The following ADCY8 variants were observed in gnomAD, a reference collection of about 807,000 sequenced individuals.
The protein encoded by ADCY8 is adenylate cyclase 8, also known as adenylate cyclase type 8.
A neutral mutation model predicts 119.7 loss-of-function variants in ADCY8; 51 were observed. The ratio of observed to expected loss-of-function variants is 0.43; its 90% CI spans 0.34 to 0.54. ADCY8 has a LOEUF of 0.54. ADCY8 is among the 20% of genes least tolerant of loss of function. The pLI, the probability that ADCY8 is intolerant of heterozygous loss-of-function variation, is 0.03. For synonymous variants in ADCY8, 665 were observed against 651.0 expected (o/e 1.02, Z -0.33); for missense variants, 1,383 against 1,598.8 (o/e 0.87, Z 2.30).
intron 5 of ADCY8, among the ~76,000 whole-genome samples, chr8:130,931,670 T>A (rs1301300580): frequency 3.3e-5 from 5 of 152,166 alleles, no homozygotes; most frequent in Non-Finnish European, 7.4e-5. Context: ...TATTTTCAAA[T>A]AACCTGTGTT....
At position 131,025,984 on chromosome 8, in the gene ADCY8, C is replaced by G. The variant is rs374084179; in HGVS notation, c.960+13390G>C. ...AATAGCAGGATCCTGGATTCTTTTCCTCACCACAGCACCCCTACTGCCTGC... is the reference window on the plus strand; with the variant it reads ...AATAGCAGGATCCTGGATTCTTTTCGTCACCACAGCACCCCTACTGCCTGC... On this transcript the variant is annotated intron_variant, in intron 1 of 17. Transcript: ENST00000286355. Among the ~76,000 whole-genome samples the G allele has an allele frequency of 6.2e-4, 94 of 152,314 alleles. 1 individual carries two copies. The highest frequency in any genetic ancestry group is 2.1e-3 in the African/African-American group (88 of 41,564).
At chr8:130,910,140 T>C (rs1819936389) in intron 5 of ADCY8, among the ~76,000 whole-genome samples, 1 of 152,000 alleles carries the variant, frequency 6.6e-6, no homozygotes, top group Admixed American at 6.6e-5. Context: ...CGTCCACCTC[T>C]TCACTTTCAA....
intron 12 of ADCY8, among the ~76,000 whole-genome samples, chr8:130,832,547 G>A (rs764794686): frequency 2.3e-4 from 35 of 152,132 alleles, no homozygotes; most frequent in Non-Finnish European, 4.6e-4. Context: ...ATACAGCTGA[G>A]ATGGAAGGCT....
rs1024316288 is a variant in ADCY8 at position 130,948,562 on chromosome 8, C to G, written c.1241+3306G>C. Among the ~76,000 whole-genome samples, 3 of 151,048 alleles carry G rather than the reference C, an allele frequency of 2.0e-5. No homozygotes were observed. The South Asian group carries it at 6.3e-4, about 32-fold the overall frequency. On this transcript the variant is annotated intron_variant, in intron 3 of 17. Transcript: ENST00000286355. ...CATGGCGCCTTTAAGCATACCCTTT[C>G]CTGATGAAGGTAAACAGTGGTATGA...
intron 8 of ADCY8, among the ~76,000 whole-genome samples, chr8:130,879,523 AT>A (rs1818691106): frequency 6.6e-6 from 1 of 152,216 alleles, no homozygotes; most frequent in Non-Finnish European, 1.5e-5. Context: ...TGTAAGCACA[AT>A]TTTTGAGGGC....
At chr8:130,875,022 T>C (rs1464453762) in intron 8 of ADCY8, among the ~76,000 whole-genome samples, 1 of 152,190 alleles carries the variant, frequency 6.6e-6, no homozygotes, top group East Asian at 1.9e-4. Flanking sequence ...AATTCTATAT[T>C]ACACTGTTAT....
chr8:130,919,201 T>C (rs1820224629), intron 5 of ADCY8, among the ~76,000 whole-genome samples: 1 of 152,214 alleles, frequency 6.6e-6, no homozygotes, highest in Non-Finnish European at 1.5e-5. Context: ...ACCCTTTTGC[T>C]GTTTTTTAAC....
At chr8:130,980,537 A>G (rs1435971786) in intron 2 of ADCY8, among the ~76,000 whole-genome samples, 1 of 152,248 alleles carries the variant, frequency 6.6e-6, no homozygotes, top group Non-Finnish European at 1.5e-5. Flanking sequence ...TTAACTGCTC[A>G]TAATTATTAC....
chr8:130,929,381 C>T (rs1299654173), intron 5 of ADCY8, among the ~76,000 whole-genome samples: 1 of 152,036 alleles, frequency 6.6e-6, no homozygotes, highest in Admixed American at 6.6e-5. Context: ...CTTTAAGTTC[C>T]TTCATTGATC....
Position 130,886,982 on chromosome 8 carries a change from G to GTT in ADCY8, c.1912-2223_1912-2222dup, listed in dbSNP as rs35140717. Reference sequence around the variant, plus strand: ...ACCATTATGTAATAGAAGAAAGGGCGTTTTTTTTTTCCTTAACAGGAATGA... The same window carrying GTT: ...ACCATTATGTAATAGAAGAAAGGGCGTTTTTTTTTTTTCCTTAACAGGAATGA... On this transcript the variant is annotated intron_variant, in intron 7 of 17. Coordinates refer to ENST00000286355, the MANE Select transcript of ADCY8 (RefSeq NM_001115.3). 4.6e-4 allele frequency among the ~76,000 whole-genome samples: 68 copies of GTT among 149,218 alleles called. No individual in the cohort carries two copies. In the East Asian group the frequency reaches 5.1e-3, roughly 11 times the overall value.
chr8:130,955,386 C>T (rs1311491545), intron 2 of ADCY8, among the ~76,000 whole-genome samples: 2 of 151,946 alleles, frequency 1.3e-5, no homozygotes, highest in African/African-American at 2.4e-5. Flanking sequence ...TCTATCAGAC[C>T]CCAGAGCCAG....
intron 7 of ADCY8, among the ~76,000 whole-genome samples, chr8:130,889,879 G>C (rs1819122299): frequency 6.6e-6 from 1 of 152,004 alleles, no homozygotes; most frequent in South Asian, 2.1e-4. Flanking sequence ...GTATCCTACT[G>C]CTACTATAAA....
At chr8:131,035,405 G>C (rs561751969) in intron 1 of ADCY8, among the ~76,000 whole-genome samples, 1 of 152,238 alleles carries the variant, frequency 6.6e-6, no homozygotes, top group East Asian at 1.9e-4. Flanking sequence ...TCTCTTTGTT[G>C]GGTGGGAAGT....
intron 15 of ADCY8, among the ~76,000 whole-genome samples, chr8:130,797,757 C>G (rs989910460): frequency 6.6e-6 from 1 of 152,198 alleles, no homozygotes; most frequent in Admixed American, 6.5e-5. Context: ...CATAGTCACC[C>G]TGCCTCCCAC....
chr8:130,886,891 T>A (rs980937484), intron 7 of ADCY8, among the ~76,000 whole-genome samples: 1 of 152,116 alleles, frequency 6.6e-6, no homozygotes, highest in Admixed American at 6.6e-5. Flanking sequence ...AAAAAATAGT[T>A]TGGGGATTGA....
chr8:130,802,364 C>T (rs1452379583), intron 14 of ADCY8, among the ~76,000 whole-genome samples: 1 of 152,162 alleles, frequency 6.6e-6, no homozygotes, highest in East Asian at 1.9e-4. Flanking sequence ...AAAAATCGGG[C>T]TCTTCCCATT....
At chr8:130,856,228 C>T (rs1817727577) in intron 9 of ADCY8, among the ~76,000 whole-genome samples, 1 of 152,028 alleles carries the variant, frequency 6.6e-6, no homozygotes, top group South Asian at 2.1e-4. Flanking sequence ...CCTTTCCTAT[C>T]ACAATAGTCA....
At chr8:130,949,161 G>T (rs1289978570) in intron 3 of ADCY8, among the ~76,000 whole-genome samples, 2 of 152,072 alleles carry the variant, frequency 1.3e-5, no homozygotes, top group Non-Finnish European at 2.9e-5. Context: ...GGGCGGGGTT[G>T]GAGGGGTGGG....
At chr8:130,834,300 A>G (rs1014880619) in intron 12 of ADCY8, among the ~76,000 whole-genome samples, 1 of 152,224 alleles carries the variant, frequency 6.6e-6, no homozygotes, top group African/African-American at 2.4e-5. Flanking sequence ...GCCAACAAAT[A>G]AACAAAAAGA....
Sources: allele counts gnomAD v4.1 joint callset (sites outside exome capture counted in the v4.1 genomes callset), GRCh38; gene constraint gnomAD v4.1.1; transcripts MANE v1.5; gene names NCBI Gene and HGNC (gene_info 2026-07-23, HGNC 2026-07-21).